Variants in CCDC73 observed in about 807,000 individuals in gnomAD.
CCDC73 encodes the protein coiled-coil domain containing 73, also known as coiled-coil domain-containing protein 73.
Under a neutral mutation model 116.5 loss-of-function variants are expected in CCDC73, and 95 were observed. The observed-to-expected ratio is 0.82, with a 90% confidence interval of 0.69 to 0.97. The LOEUF (loss-of-function observed/expected upper bound fraction) is 0.97. Ranked by LOEUF, CCDC73 falls within the 50% of genes least tolerant of loss-of-function variation. CCDC73 has a pLI of 0.00. For synonymous variants in CCDC73, 398 were observed against 401.3 expected, an observed-to-expected ratio of 0.99 and a Z score of 0.10; for missense variants, 1,066 against 1,206.8, an observed-to-expected ratio of 0.88 and a Z score of 1.73.
intron 1 of CCDC73, among the ~76,000 whole-genome samples, chr11:32,767,492 G>A (rs1009905356): frequency 1.9e-4 from 29 of 152,268 alleles, no homozygotes; most frequent in African/African-American, 6.5e-4. Context: ...AAACTAAAGA[G>A]TTTCTGCACA....
At chr11:32,684,215 C>T (rs1308517196) in intron 6 of CCDC73, among the ~76,000 whole-genome samples, 1 of 151,974 alleles carries the variant, frequency 6.6e-6, no homozygotes, top group East Asian at 1.9e-4. Context: ...CCACACCTGG[C>T]TAATTTTTAA....
chr11:32,730,891 G>A lies in CCDC73; in HGVS notation c.136-12744C>T, dbSNP rs1051452910. On this transcript the variant is annotated intron_variant, in intron 2 of 17. Transcript: ENST00000335185. ...TTTCTGCATTTCCAACTGAGGTACC[G>A]GGTGCATCTCACTGGGGCTTGTCGG... is the stretch of plus-strand genomic sequence containing the variant. Among the ~76,000 whole-genome samples, 22 of 152,290 alleles carry A rather than the reference G, an allele frequency of 1.4e-4. No individual in the cohort carries two copies. In the East Asian group the frequency reaches 2.1e-3, roughly 15 times the overall value.
chr11:32,653,065 A>T (rs901522095), intron 12 of CCDC73, 58 bp downstream of exon 12: 5 of 984,762 alleles, frequency 5.1e-6, no homozygotes, highest in Non-Finnish European at 7.9e-6. Context: ...GAAGTTAATT[A>T]GTGAAAATAT....
rs115854772 is a variant in CCDC73 at position 32,700,688 on chromosome 11, T to C, written c.315+103A>G. 1,687 of 556,164 alleles carry C rather than the reference T, an allele frequency of 3.0e-3. 28 individuals carry two copies. The highest frequency in any genetic ancestry group is 0.03 in the African/African-American group (1,567 of 52,072). 34.5% of individuals were successfully genotyped at this position (556,164 alleles called of 1,614,324 possible). ...TTGTTACTAATGCTCTTTTCTCTTA[T>C]GGTAAACAATGGATAATAAAAGGCA... On this transcript the variant is annotated intron_variant, in intron 5 of 17. Coordinates refer to ENST00000335185, the MANE Select transcript of CCDC73 (RefSeq NM_001008391.4).
intron 17 of CCDC73, among the ~76,000 whole-genome samples, chr11:32,609,977 G>T (rs1203934627): frequency 6.8e-6 from 1 of 147,008 alleles, no homozygotes; most frequent in Non-Finnish European, 1.5e-5. Flanking sequence ...TTTTAGTAGA[G>T]ACAGGGTTTC....
chr11:32,768,326 G>T (rs1043261548), intron 1 of CCDC73, among the ~76,000 whole-genome samples: 1 of 152,186 alleles, frequency 6.6e-6, no homozygotes, highest in African/African-American at 2.4e-5. Flanking sequence ...CTGTCATGGG[G>T]TTGGGGGAGT....
chr11:32,723,180 A>G (rs1850004550), intron 2 of CCDC73, among the ~76,000 whole-genome samples: 1 of 152,360 alleles, frequency 6.6e-6, no homozygotes, highest in South Asian at 2.1e-4. Flanking sequence ...TTGGTAAAAC[A>G]TCTCAAAATA....
At chr11:32,638,631 A>T (rs1341904618) in intron 13 of CCDC73, among the ~76,000 whole-genome samples, 2 of 151,994 alleles carry the variant, frequency 1.3e-5, no homozygotes, top group Non-Finnish European at 2.9e-5. Flanking sequence ...GGCATGTGCC[A>T]CCATGCCTGG....
chr11:32,791,199 T>C (rs1241786867), intron 1 of CCDC73, among the ~76,000 whole-genome samples: 1 of 152,214 alleles, frequency 6.6e-6, no homozygotes, highest in African/African-American at 2.4e-5. Context: ...TTCTCTGTCA[T>C]GTCAATATTA....
chr11:32,823,627 GAAAA>G, the CCDC73 span, among the ~76,000 whole-genome samples: 1 of 140,004 alleles, frequency 7.1e-6, no homozygotes. Context: ...AGCAAAATTG[GAAAA>G]AAAAAAAGTA....
intron 11 of CCDC73, 73 bp from the exon 12 acceptor site, chr11:32,653,300 C>T: frequency 1.1e-6 from 1 of 931,780 alleles, no homozygotes; most frequent in South Asian, 1.6e-5. Flanking sequence ...TCTTCACATA[C>T]ATTTTCTAGT....
At chr11:32,704,395 C>T (rs751249315) in intron 3 of CCDC73, among the ~76,000 whole-genome samples, 5 of 152,212 alleles carry the variant, frequency 3.3e-5, no homozygotes, top group South Asian at 4.1e-4. Context: ...GACAAGTATG[C>T]GCACACTCGG....
chr11:32,664,819 A>G (rs1855965121), intron 9 of CCDC73, among the ~76,000 whole-genome samples: 1 of 151,682 alleles, frequency 6.6e-6, no homozygotes, highest in African/African-American at 2.4e-5. Flanking sequence ...CCCTCTACAC[A>G]CTGCTTTAAA....
Position 32,760,109 on chromosome 11 carries a change from C to A in CCDC73, c.135G>T (p.Arg45Ser). ...LEALEELRMRREAEIHYEEQI... is the reference protein window; with the variant it reads ...LEALEELRMRSEAEIHYEEQI... ...AAAAGCATTTTAAAAAGGAGCTTAC[C>A]CTTCTCATACGCAATTCTTCTAATG... The change falls in exon 2 of 18, where the codon AGG becomes AGT. Residue 45 changes from arginine (R) to serine (S), a missense_variant and splice_region_variant. Coordinates refer to ENST00000335185, the MANE Select transcript of CCDC73 (RefSeq NM_001008391.4). 6.3e-7 allele frequency: 1 copy of A among 1,595,550 alleles called. No homozygotes were observed. The highest frequency in any genetic ancestry group is 1.2e-5 in the South Asian group (1 of 86,876).
chr11:32,765,206 T>G (rs1026739221), intron 1 of CCDC73, among the ~76,000 whole-genome samples: 5 of 151,974 alleles, frequency 3.3e-5, no homozygotes, highest in Admixed American at 6.6e-5. Flanking sequence ...GACAGCTCAA[T>G]GAGACAGAAA....
In CCDC73 at chr11:32,611,193, G is replaced by A; in HGVS notation, c.2969C>T (p.Pro990Leu). 3 of 1,613,546 alleles carry A rather than the reference G, an allele frequency of 1.9e-6. No individual in the cohort carries two copies. The highest frequency in any genetic ancestry group is 2.5e-6 in the Non-Finnish European group (3 of 1,179,556). ...TGCCATTGCATTCTTCTCTTCACTG[G>A]GTTCTCCCTTGGGATCTGGATGGAT... ...WSIHPDPKGE[P>L]SEEKNAMAKT... The change falls in exon 17 of 18, where the codon CCC (proline) becomes CTC (leucine). Residue 990 changes from proline (P) to leucine (L), a missense_variant. Transcript: ENST00000335185.
intron 14 of CCDC73, among the ~76,000 whole-genome samples, chr11:32,626,127 CAA>C (rs1249756584): frequency 2.0e-5 from 3 of 151,934 alleles, no homozygotes; most frequent in Non-Finnish European, 4.4e-5. Flanking sequence ...GCAACTTCAG[CAA>C]AGTCTCAGGA....
At chr11:32,805,128 G>A in the CCDC73 span, among the ~76,000 whole-genome samples, 1 of 152,128 alleles carries the variant, frequency 6.6e-6, no homozygotes, top group East Asian at 1.9e-4. Context: ...CATTACTCAG[G>A]CTGAGTAGAG....
At chr11:32,715,447 T>C (rs958314787) in intron 3 of CCDC73, among the ~76,000 whole-genome samples, 3 of 151,874 alleles carry the variant, frequency 2.0e-5, no homozygotes, top group African/African-American at 7.3e-5. Context: ...CACTGTCCTA[T>C]AAAGTGATCC....
Sources: gnomAD v4.1 joint callset for allele counts (sites outside exome capture counted in the v4.1 genomes callset) on GRCh38, gnomAD v4.1.1 for gene constraint, MANE v1.5 for transcripts, NCBI Gene and HGNC (gene_info 2026-07-23, HGNC 2026-07-21) for gene names.